The following DIAPH1 variants were observed in gnomAD, a reference collection of about 807,000 sequenced individuals.
DIAPH1 encodes protein diaphanous homolog 1.
Under a neutral mutation model 140.7 loss-of-function variants are expected in DIAPH1, and 46 were observed. The ratio of observed to expected loss-of-function variants is 0.33; its 90% CI spans 0.26 to 0.42. The LOEUF (loss-of-function observed/expected upper bound fraction) is 0.42. DIAPH1 is among the 10% of genes least tolerant of loss of function. The probability of loss-of-function intolerance (pLI) is 1.00; values close to 1 mark genes in which losing one functional copy is unlikely to be tolerated. For missense variants in DIAPH1, 1,310 were observed against 1,558.7 expected (o/e 0.84, Z 2.69); for synonymous variants, 565 against 551.6 (o/e 1.02, Z -0.34).
chr5:141,558,678 C>T (rs969076358), intron 18 of DIAPH1, among the ~76,000 whole-genome samples: 1 of 152,156 alleles, frequency 6.6e-6, no homozygotes, highest in South Asian at 2.1e-4. Flanking sequence ...AGGGAACACC[C>T]TCCATTATCT....
At chr5:141,556,251 C>G (rs1412554242) in intron 18 of DIAPH1, among the ~76,000 whole-genome samples, 3 of 152,014 alleles carry the variant, frequency 2.0e-5, no homozygotes, top group Non-Finnish European at 4.4e-5. Context: ...CTGTAAAAGT[C>G]CATGAAGTGC....
intron 19 of DIAPH1, among the ~76,000 whole-genome samples, chr5:141,533,838 A>G (rs983577956): frequency 3.9e-5 from 6 of 152,144 alleles, no homozygotes; most frequent in Non-Finnish European, 8.8e-5. Context: ...CAGGAGTTTG[A>G]GACCAGCCTG....
At chr5:141,538,193 TGG>T (rs2099889366) in intron 18 of DIAPH1, among the ~76,000 whole-genome samples, 1 of 151,134 alleles carries the variant, frequency 6.6e-6, no homozygotes, top group Non-Finnish European at 1.5e-5. Flanking sequence ...CCTGAGTAGC[TGG>T]GATTACAGGC....
At position 141,516,619 on chromosome 5, in the gene DIAPH1, A is replaced by C; in HGVS notation, c.*232T>G. The C allele has an allele frequency of 1.7e-6, 1 of 582,982 alleles. No individual in the cohort carries two copies. The highest frequency in any genetic ancestry group is 2.0e-5 in the South Asian group (1 of 51,260). The allele number at this position is 582,982 out of a possible 1,614,324, so 36.1% of individuals were successfully genotyped here. A position where few individuals can be genotyped will look rare whatever the true frequency, so the allele number is the denominator to read the frequency against. ...ACCCTGCTTTGGTAATACAACAGCC[A>C]GGGCTGGCTAAGTCGGGCTCAGGCC... On this transcript the variant is annotated 3_prime_UTR_variant, in exon 28 of 28. Transcript: ENST00000389054.
At chr5:141,594,768 C>T (rs1442174100) in intron 1 of DIAPH1, among the ~76,000 whole-genome samples, 1 of 150,898 alleles carries the variant, frequency 6.6e-6, no homozygotes, top group Non-Finnish European at 1.5e-5. Flanking sequence ...CGGCCAGGTG[C>T]GGTGGCTCAT....
At chr5:141,585,708 G>C (rs2099897440) in intron 3 of DIAPH1, among the ~76,000 whole-genome samples, 1 of 152,104 alleles carries the variant, frequency 6.6e-6, no homozygotes, top group Non-Finnish European at 1.5e-5. Flanking sequence ...GCTGAGGCAG[G>C]AGAACTGCTC....
rs1392194120 is a variant in DIAPH1, at chr5:141,573,963, T to C, written c.1887A>G (p.Ser629=). 1 of 1,512,862 alleles carries C rather than the reference T, an allele frequency of 6.6e-7. No individual in the cohort carries two copies. Among genetic ancestry groups the C allele is most frequent in the Non-Finnish European group, 8.8e-7 (1 of 1,134,118 alleles). 93.7% of individuals were successfully genotyped at this position (1,512,862 alleles called of 1,614,324 possible). A position where few individuals can be genotyped will look rare whatever the true frequency, so the allele number is the denominator to read the frequency against. ...PPLPGGVCIS[S]PPSLPGGTAI... is the part of the protein sequence containing the mutation. The stretch of plus-strand genomic sequence containing the variant: ...CAGTACCTCCAGGTAAAGAAGGGGG[T>C]GAGGAGATGCAAACACCCCCAGGCA... Residue 629 remains serine, a synonymous_variant, in exon 16 of 28, where the codon TCA becomes TCG. Coordinates refer to ENST00000389054, the MANE Select transcript of DIAPH1 (RefSeq NM_005219.5).
intron 1 of DIAPH1, among the ~76,000 whole-genome samples, chr5:141,606,704 T>C (rs371983404): frequency 2.6e-5 from 4 of 152,174 alleles, no homozygotes; most frequent in Non-Finnish European, 4.4e-5. Flanking sequence ...CCTTACACTA[T>C]GTAAAATAAC....
At chr5:141,585,818 A>T (rs2099897459) in intron 3 of DIAPH1, among the ~76,000 whole-genome samples, 1 of 152,216 alleles carries the variant, frequency 6.6e-6, no homozygotes, top group Non-Finnish European at 1.5e-5. Context: ...TTAAATGAAA[A>T]TTGAGAATAC....
At chr5:141,568,504 A>G (rs1404760442) in intron 18 of DIAPH1, among the ~76,000 whole-genome samples, 1 of 152,214 alleles carries the variant, frequency 6.6e-6, no homozygotes, top group African/African-American at 2.4e-5. Flanking sequence ...TGGGAAACAA[A>G]GCCTTCAGAA....
intron 18 of DIAPH1, among the ~76,000 whole-genome samples, chr5:141,558,096 G>C (rs545977089): frequency 5.3e-5 from 8 of 152,082 alleles, no homozygotes; most frequent in East Asian, 1.9e-4. Context: ...CATTTCAAAC[G>C]AATCAGTCCT....
chr5:141,530,520 A>G (rs1239554189), intron 19 of DIAPH1, among the ~76,000 whole-genome samples: 3 of 152,112 alleles, frequency 2.0e-5, no homozygotes, highest in Non-Finnish European at 4.4e-5. Context: ...CAGTAGCACC[A>G]ATGATAACTG....
intron 7 of DIAPH1, 33 bp from the exon 8 acceptor site, chr5:141,580,916 A>G: frequency 1.9e-6 from 3 of 1,614,128 alleles, no homozygotes; most frequent in Middle Eastern, 1.6e-4. Context: ...AAGGAGGCTG[A>G]AAGACGAAAG....
In DIAPH1 at chr5:141,516,699, G is replaced by A; in HGVS notation, c.*152C>T. The A allele has an allele frequency of 1.2e-6, 1 of 849,788 alleles. No individual in the cohort carries two copies. Among genetic ancestry groups the A allele is most frequent in the Non-Finnish European group, 1.9e-6 (1 of 527,216 alleles). 52.6% of individuals were successfully genotyped at this position (849,788 alleles called of 1,614,324 possible). ...CCAGGCAGCTGAAGCTGTATGTGAT[G>A]TTGAGAGAGCAGCAGGCCAGAGAGA... On this transcript the variant is annotated 3_prime_UTR_variant, in exon 28 of 28. Coordinates refer to ENST00000389054, the MANE Select transcript of DIAPH1 (RefSeq NM_005219.5).
At chr5:141,617,298 A>AG (rs769220536) in intron 1 of DIAPH1, among the ~76,000 whole-genome samples, 1 of 151,396 alleles carries the variant, frequency 6.6e-6, no homozygotes, top group African/African-American at 2.4e-5. Flanking sequence ...TTATATTTCT[A>AG]GGGGGGGAAA....
chr5:141,518,979 A>C (rs1223783961), intron 27 of DIAPH1: 1 of 1,550,706 alleles, frequency 6.4e-7, no homozygotes, highest in South Asian at 1.2e-5. Flanking sequence ...TCTACTTCCC[A>C]GGGGCACAAG....
At chr5:141,602,926 T>C (rs149661705) in intron 1 of DIAPH1, among the ~76,000 whole-genome samples, 164 of 152,262 alleles carry the variant, frequency 1.1e-3, no homozygotes, top group African/African-American at 3.8e-3. Context: ...TCACCACTTA[T>C]TGGTGCCTGC....
intron 1 of DIAPH1, among the ~76,000 whole-genome samples, chr5:141,595,178 G>T (rs1241576787): frequency 6.6e-6 from 1 of 152,108 alleles, no homozygotes. Flanking sequence ...AGGCAGGTAG[G>T]GTAGGCAGGT....
rs79191400 is a variant in DIAPH1, at chr5:141,599,468, C to T, written c.118-11218G>A. Among the ~76,000 whole-genome samples the T allele has an allele frequency of 8.3e-3, 1,258 of 152,268 alleles. 10 individuals are homozygous for T. Among genetic ancestry groups the T allele is most frequent in the Middle Eastern group, 0.017 (5 of 294 alleles). The stretch of plus-strand genomic sequence containing the variant: ...ATGCCACTTGGTCCTTACACTCTGA[C>T]GATTCTAGGAGGCCCAGGATCCCTG... On this transcript the variant is annotated intron_variant, in intron 1 of 27. Coordinates refer to ENST00000389054, the MANE Select transcript of DIAPH1 (RefSeq NM_005219.5).
Sources: gnomAD v4.1 joint callset for allele counts (sites outside exome capture counted in the v4.1 genomes callset) on GRCh38, gnomAD v4.1.1 for gene constraint, MANE v1.5 for transcripts, NCBI Gene and HGNC (gene_info 2026-07-23, HGNC 2026-07-21) for gene names.